PCDHGB3: variants seen among roughly 807,000 people sequenced by gnomAD.
PCDHGB3 encodes the protein protocadherin gamma subfamily B, 3.
Under a neutral mutation model 59.2 loss-of-function variants are expected in PCDHGB3, and 40 were observed. The observed-to-expected ratio is 0.68, with a 90% CI of 0.52 to 0.88. The LOEUF (loss-of-function observed/expected upper bound fraction) is 0.88, where lower values mean the gene tolerates loss of function less well. PCDHGB3 is among the 40% of genes least tolerant of loss of function. PCDHGB3 has a pLI of 0.00. For synonymous variants in PCDHGB3, 581 were observed against 503.6 expected (o/e 1.15, Z -2.06); for missense variants, 1,309 against 1,187.9 (o/e 1.10, Z -1.50).
At chr5:141,480,695 C>T (rs2099523656) in intron 1 of PCDHGB3, among the ~76,000 whole-genome samples, 2 of 152,146 alleles carry the variant, frequency 1.3e-5, no homozygotes, top group African/African-American at 4.8e-5. Context: ...GAAACCCAGG[C>T]CACACCCCGA....
intron 1 of PCDHGB3, among the ~76,000 whole-genome samples, chr5:141,387,464 C>T (rs2240699): frequency 0.55 from 83,096 of 152,122 alleles, 25,275 homozygotes; most frequent in African/African-American, 0.83. Context: ...CCTAAAAATC[C>T]TCAAAGTTGG....
Position 141,510,960 on chromosome 5 carries a change from G to C in PCDHGB3, c.2577G>C (p.Gly859=). The change falls in exon 4 of 4, where the codon GGG becomes GGC. Residue 859 remains glycine, a synonymous_variant. Transcript: ENST00000576222. ...CTGTCTCTGCAGAAGCTGCTGATGG[G>C]AGCTCCACCCTGGGAGGGGGTGCCG... The part of the protein sequence containing the change: ...ILASASEAAD[G]SSTLGGGAGT... 1 of 1,614,120 alleles carries C rather than the reference G, an allele frequency of 6.2e-7. No homozygotes were observed. Among genetic ancestry groups the C allele is most frequent in the Non-Finnish European group, 8.5e-7 (1 of 1,180,022 alleles).
Position 141,372,433 on chromosome 5 carries a change from C to T in PCDHGB3, c.2039C>T (p.Thr680Ile). Residue 680 changes from threonine (T) to isoleucine (I), a missense_variant, in exon 1 of 4, where the codon ACT (threonine) becomes ATT (isoleucine). By Grantham distance (89) the Thr-to-Ile change is moderately conservative. Coordinates refer to ENST00000576222, the MANE Select transcript of PCDHGB3 (RefSeq NM_018924.5). ...EIQPDLSDRP[T>I]PSDPQAELQF... is the part of the protein sequence containing the mutation. ...CAACCTGACCTTAGCGACCGCCCCA[C>T]TCCCTCTGACCCTCAGGCGGAGCTA... The T allele has an allele frequency of 6.2e-7, 1 of 1,614,060 alleles. No individual in the cohort carries two copies. The highest frequency in any genetic ancestry group is 8.5e-7 in the Non-Finnish European group (1 of 1,179,902).
At position 141,431,604 on chromosome 5, in the gene PCDHGB3, G is replaced by A; in HGVS notation, c.2415+58795G>A. On this transcript the variant is annotated intron_variant, in intron 1 of 3. Coordinates refer to ENST00000576222, the MANE Select transcript of PCDHGB3 (RefSeq NM_018924.5). The surrounding 1 kb of genome is among the most constrained non-coding windows in gnomAD (Gnocchi z 4.8). ...AATGCGGAAGTGAGGTATTCCTTCCGGTATGTGGACGACAAGGCGGCCCAA... is the reference window on the plus strand; with the variant it reads ...AATGCGGAAGTGAGGTATTCCTTCCAGTATGTGGACGACAAGGCGGCCCAA... 8 of 1,614,206 alleles carry A rather than the reference G, an allele frequency of 5.0e-6. No individual in the cohort carries two copies. Among genetic ancestry groups the A allele is most frequent in the Non-Finnish European group, 6.8e-6 (8 of 1,180,046 alleles).
chr5:141,393,428 G>A (rs1043256482), intron 1 of PCDHGB3: 2 of 1,614,042 alleles, frequency 1.2e-6, no homozygotes, highest in Admixed American at 1.7e-5. Flanking sequence ...GGGAGGAAGA[G>A]GCTGCTCACC....
Position 141,370,327 on chromosome 5 carries a change from A to T in PCDHGB3, c.-68A>T. The T allele has an allele frequency of 3.6e-6, 5 of 1,399,556 alleles. No homozygotes were observed. The highest frequency in any genetic ancestry group is 4.8e-6 in the Non-Finnish European group (5 of 1,033,158). 86.7% of individuals were successfully genotyped at this position (1,399,556 alleles called of 1,614,324 possible). A position where few individuals can be genotyped will look rare whatever the true frequency, so the allele number is the denominator to read the frequency against. On this transcript the variant is annotated 5_prime_UTR_variant, in exon 1 of 4. Coordinates refer to ENST00000576222, the MANE Select transcript of PCDHGB3 (RefSeq NM_018924.5). ...AAAGCAAATAGTTGGTCCTGCTCGG[A>T]GAACTCTTGGGATTATTTAAAGATC...
chr5:141,371,584 A>T lies in PCDHGB3; in HGVS notation c.1190A>T (p.Asp397Val). 2 of 1,613,962 alleles carry T rather than the reference A, an allele frequency of 1.2e-6. No individual in the cohort carries two copies. Among genetic ancestry groups the T allele is most frequent in the Non-Finnish European group, 1.7e-6 (2 of 1,179,856 alleles). The change falls in exon 1 of 4, where the codon GAT becomes GTT. Residue 397 changes from aspartate (D) to valine (V), a missense_variant. Transcript: ENST00000576222. ...AACTTCCCCTTTAAAATCGTTCAAG[A>T]TACCAAAAACACATACAGGTTGGTG... is the stretch of plus-strand genomic sequence containing the variant. ...KGNFPFKIVQ[D>V]TKNTYRLVTD...
At chr5:141,414,334 AC>A (rs1187631098) in intron 1 of PCDHGB3, 2 of 1,613,782 alleles carry the variant, frequency 1.2e-6, no homozygotes, top group South Asian at 2.2e-5. Context: ...TGGACAGGTA[AC>A]CTGTTCCATT....
At chr5:141,430,448 G>T in intron 1 of PCDHGB3, 1 of 192,294 alleles carries the variant, frequency 5.2e-6, no homozygotes. Flanking sequence ...ATCCCCTTTT[G>T]AAGAACAGTA....
At chr5:141,430,834 G>T (rs1317415848) in intron 1 of PCDHGB3, 1 of 1,557,712 alleles carries the variant, frequency 6.4e-7, no homozygotes, top group Non-Finnish European at 8.7e-7. Context: ...CTCTGTGGGA[G>T]ACCGGATGCA....
chr5:141,435,934 T>A (rs1311888999), intron 1 of PCDHGB3, among the ~76,000 whole-genome samples: 2 of 152,160 alleles, frequency 1.3e-5, no homozygotes, highest in Non-Finnish European at 2.9e-5. Flanking sequence ...CAGTTGCTGC[T>A]TCTGAGACCA....
intron 2 of PCDHGB3, among the ~76,000 whole-genome samples, chr5:141,498,944 A>G (rs1249475504): frequency 7.2e-6 from 1 of 139,096 alleles, no homozygotes; most frequent in Non-Finnish European, 1.6e-5. Flanking sequence ...AAAGAAAGAA[A>G]GAAAAAGAGA....
chr5:141,497,326 T>C (rs1021730142), intron 2 of PCDHGB3, among the ~76,000 whole-genome samples: 1 of 152,060 alleles, frequency 6.6e-6, no homozygotes, highest in Non-Finnish European at 1.5e-5. Flanking sequence ...TGAAGCAGAA[T>C]TCACCATTGA....
chr5:141,413,900 AC>A, intron 1 of PCDHGB3: 1 of 1,613,126 alleles, frequency 6.2e-7, no homozygotes. Flanking sequence ...GCAAATGACA[AC>A]GCGCCGGTCT....
chr5:141,483,007 C>G (rs938404755), intron 1 of PCDHGB3, among the ~76,000 whole-genome samples: 1 of 152,140 alleles, frequency 6.6e-6, no homozygotes, highest in South Asian at 2.1e-4. Flanking sequence ...ATTGCTTGAA[C>G]CCGGGAGGCA....
At chr5:141,414,085 G>C (rs1459185694) in intron 1 of PCDHGB3, 1 of 1,600,126 alleles carries the variant, frequency 6.2e-7, no homozygotes, top group Non-Finnish European at 8.5e-7. Context: ...ATATACTGGA[G>C]AAATAAAAAT....
At chr5:141,413,877 G>GAC (rs751994783) in intron 1 of PCDHGB3, 1 of 1,613,386 alleles carries the variant, frequency 6.2e-7, no homozygotes. Flanking sequence ...TTGTCAGTGT[G>GAC]ACTGTCTTCG....
rs753258464 is a variant in PCDHGB3, at chr5:141,388,966, G to T, written c.2415+16157G>T. ...CTAATTATGGAGGACGCCGAGCTGG[G>T]AACACATATTGCTTTGCTCAAAGTC... On this transcript the variant is annotated intron_variant, in intron 1 of 3. Coordinates refer to ENST00000576222, the MANE Select transcript of PCDHGB3 (RefSeq NM_018924.5). 15 of 1,613,896 alleles carry T rather than the reference G, an allele frequency of 9.3e-6. No homozygotes were observed. In the Admixed American group the frequency reaches 2.3e-4, roughly 25 times the overall value.
At chr5:141,399,393 CAG>C (rs1335804490) in intron 1 of PCDHGB3, 1 of 1,613,976 alleles carries the variant, frequency 6.2e-7, no homozygotes, top group Non-Finnish European at 8.5e-7. Flanking sequence ...CAGCCACAGA[CAG>C]GGGCAAGCCG....
Sources: allele counts gnomAD v4.1 joint callset (sites outside exome capture counted in the v4.1 genomes callset), GRCh38; gene constraint gnomAD v4.1.1; non-coding constraint Gnocchi (gnomAD v3.1); transcripts MANE v1.5; gene names NCBI Gene and HGNC (gene_info 2026-07-23, HGNC 2026-07-21).